KYNU: variants seen among roughly 807,000 people sequenced by gnomAD.
KYNU encodes the protein L-kynurenine hydrolase.
A neutral mutation model predicts 59.2 loss-of-function variants in KYNU; 54 were observed. The ratio of observed to expected loss-of-function variants is 0.91; its 90% CI spans 0.73 to 1.14. The LOEUF is 1.14. Among genes scored for constraint, KYNU ranks in the 50% most tolerant of loss-of-function variants. KYNU has a pLI of 0.00. For missense variants in KYNU, 567 were observed against 554.4 expected (o/e 1.02, Z -0.23); for synonymous variants, 177 against 192.0 (o/e 0.92, Z 0.65).
intron 3 of KYNU, among the ~76,000 whole-genome samples, chr2:142,920,905 G>A (rs1231899322): frequency 6.6e-6 from 1 of 152,118 alleles, no homozygotes; most frequent in African/African-American, 2.4e-5. Context: ...TCCCAAAAGT[G>A]TTTGCTCATT....
At chr2:142,974,650 C>T (rs1487178702) in intron 8 of KYNU, among the ~76,000 whole-genome samples, 1 of 152,132 alleles carries the variant, frequency 6.6e-6, no homozygotes, top group Non-Finnish European at 1.5e-5. Flanking sequence ...TTGCTGGAAG[C>T]CTTCTGGAAC....
chr2:142,968,855 A>G (rs1418839287), intron 8 of KYNU, among the ~76,000 whole-genome samples: 3 of 152,016 alleles, frequency 2.0e-5, no homozygotes, highest in African/African-American at 2.4e-5. Flanking sequence ...GGAGGCTGCA[A>G]TGAACCAAGA....
chr2:142,942,897 G>C (rs954479610), intron 4 of KYNU, among the ~76,000 whole-genome samples: 4 of 152,136 alleles, frequency 2.6e-5, no homozygotes, highest in African/African-American at 9.7e-5. Flanking sequence ...TGTGCAGTGT[G>C]TTTACTGGAG....
intron 3 of KYNU, among the ~76,000 whole-genome samples, chr2:142,920,178 TG>T (rs2104996428): frequency 6.6e-6 from 1 of 152,354 alleles, no homozygotes; most frequent in Admixed American, 6.5e-5. Context: ...TTTCACAACT[TG>T]ATGTAAGAAT....
intron 2 of KYNU, among the ~76,000 whole-genome samples, chr2:142,915,593 C>T (rs1279756553): frequency 6.6e-6 from 1 of 152,156 alleles, no homozygotes. Flanking sequence ...TTTTGATGCA[C>T]TAAAATGCTC....
chr2:142,925,788 AC>A (rs1231317766), intron 3 of KYNU, among the ~76,000 whole-genome samples: 4 of 152,068 alleles, frequency 2.6e-5, no homozygotes, highest in African/African-American at 9.7e-5. Flanking sequence ...TGGTCTTACC[AC>A]CCCTTTTAGG....
intron 1 of KYNU, among the ~76,000 whole-genome samples, chr2:142,877,947 A>G (rs1208222031): frequency 6.6e-6 from 1 of 152,204 alleles, no homozygotes; most frequent in Non-Finnish European, 1.5e-5. Context: ...AAATGAAAAG[A>G]TCTTTACTAA....
chr2:142,994,878 C>T (rs1004428640), intron 10 of KYNU, among the ~76,000 whole-genome samples: 21 of 152,020 alleles, frequency 1.4e-4, no homozygotes, highest in African/African-American at 3.6e-4. Context: ...TATTCTGAAG[C>T]GGGTATGATT....
rs1458314652 is a variant in KYNU at position 143,051,439 on chromosome 2, AT to A, written c.*9268del. 1 of 152,244 alleles carries A rather than the reference AT, an allele frequency of 6.6e-6. No homozygotes were observed. The highest frequency in any genetic ancestry group is 1.9e-4 in the East Asian group (1 of 5,190). 9.4% of individuals were successfully genotyped at this position (152,244 alleles called of 1,614,324 possible). On this transcript the variant is annotated 3_prime_UTR_variant, in exon 14 of 14. Transcript: ENST00000264170. ...GGATTTTTTAGTTAAAAGAAAATAC[AT>A]ATTTTAAAAATATAAATTATATTTT...
At chr2:142,893,376 AT>A (rs1455860638) in intron 2 of KYNU, among the ~76,000 whole-genome samples, 1 of 152,230 alleles carries the variant, frequency 6.6e-6, no homozygotes, top group East Asian at 1.9e-4. Context: ...AGGGCTTGCC[AT>A]CATCAGCTAT....
intron 8 of KYNU, among the ~76,000 whole-genome samples, chr2:142,978,200 T>A (rs1413126161): frequency 6.6e-6 from 1 of 152,148 alleles, no homozygotes; most frequent in Admixed American, 6.6e-5. Flanking sequence ...TCCTACCCTC[T>A]ATATAAAGAT....
chr2:142,910,472 T>C (rs1362558222), intron 2 of KYNU, among the ~76,000 whole-genome samples: 1 of 152,282 alleles, frequency 6.6e-6, no homozygotes, highest in South Asian at 2.1e-4. Context: ...AGTCTGGATA[T>C]TAAATATTTG....
chr2:142,936,564 T>C (rs1683397082), intron 4 of KYNU, among the ~76,000 whole-genome samples: 1 of 152,156 alleles, frequency 6.6e-6, no homozygotes, highest in African/African-American at 2.4e-5. Flanking sequence ...TGCTGCCTTT[T>C]TCGTTCCCGG....
At chr2:143,033,059 G>A (rs1015093004) in intron 11 of KYNU, among the ~76,000 whole-genome samples, 177 bp from the exon 12 acceptor site, 3 of 152,026 alleles carry the variant, frequency 2.0e-5, no homozygotes, top group Non-Finnish European at 4.4e-5. Flanking sequence ...GGGAACTGCT[G>A]GTAAACGGGA....
intron 3 of KYNU, among the ~76,000 whole-genome samples, chr2:142,922,166 C>T (rs976151086): frequency 2.0e-5 from 3 of 152,124 alleles, no homozygotes; most frequent in Non-Finnish European, 2.9e-5. Context: ...CTACAATGCA[C>T]ATTGAAAGTA....
In KYNU at chr2:142,931,375, G is replaced by C. The variant is rs1330229666; in HGVS notation, c.373+3634G>C. 2.6e-5 allele frequency among the ~76,000 whole-genome samples: 4 copies of C among 152,124 alleles called. No individual in the cohort carries two copies. In the South Asian group the frequency reaches 6.2e-4, roughly 24 times the overall value. Reference sequence around the variant, plus strand: ...AATTTTTTGGGTATTCTTGAGAGACGGGTTGGTATCCACATTGTCCTTGTA... The same window carrying C: ...AATTTTTTGGGTATTCTTGAGAGACCGGTTGGTATCCACATTGTCCTTGTA... On this transcript the variant is annotated intron_variant, in intron 4 of 13. Coordinates refer to ENST00000264170, the MANE Select transcript of KYNU (RefSeq NM_003937.3).
chr2:142,989,424 TG>T, intron 10 of KYNU: 1 of 985,572 alleles, frequency 1.0e-6, no homozygotes, highest in Non-Finnish European at 1.2e-6. Flanking sequence ...TCAAATACAG[TG>T]GAACAAATGT....
chr2:143,026,239 T>C (rs1686553306), intron 10 of KYNU, among the ~76,000 whole-genome samples: 1 of 152,244 alleles, frequency 6.6e-6, no homozygotes, highest in African/African-American at 2.4e-5. Flanking sequence ...TTCTTTTAAA[T>C]AGGATTTTTA....
intron 4 of KYNU, among the ~76,000 whole-genome samples, chr2:142,941,276 C>T (rs1036881033): frequency 7.9e-5 from 12 of 152,182 alleles, no homozygotes; most frequent in Non-Finnish European, 1.8e-4. Context: ...ATACTTTTAC[C>T]ACTTGGAATA....
Sources: gnomAD v4.1 joint callset for allele counts (sites outside exome capture counted in the v4.1 genomes callset) on GRCh38, gnomAD v4.1.1 for gene constraint, MANE v1.5 for transcripts, NCBI Gene and HGNC (gene_info 2026-07-23, HGNC 2026-07-21) for gene names.